CHM: variants seen among roughly 807,000 people sequenced by gnomAD.
CHM encodes the protein rab proteins geranylgeranyltransferase component A 1.
Under a neutral mutation model 49.0 loss-of-function variants are expected in CHM, and 10 were observed. The observed-to-expected ratio is 0.20, with a 90% CI of 0.13 to 0.35. The LOEUF is 0.35. Ranked by LOEUF, CHM falls within the 10% of genes least tolerant of loss-of-function variation. The pLI, the probability that CHM is intolerant of heterozygous loss-of-function variation, is 1.00. For missense variants in CHM, 455 were observed against 478.4 expected (o/e 0.95, Z 0.46); for synonymous variants, 184 against 167.5 (o/e 1.10, Z -0.76).
intron 8 of CHM, among the ~76,000 whole-genome samples, chrX:85,925,664 G>A (rs1469075572): frequency 9.0e-6 from 1 of 111,187 alleles, no homozygotes; most frequent in East Asian, 2.8e-4. Context: ...TTTGTTTTGA[G>A]TAATCCTTAT....
chrX:85,941,533 T>A (rs775443004), intron 8 of CHM, among the ~76,000 whole-genome samples: 1 of 111,973 alleles, frequency 8.9e-6, no homozygotes, highest in Non-Finnish European at 1.9e-5. Context: ...ATTGAGACAT[T>A]CCTGTATAAT....
At chrX:86,021,126 G>GTA (rs3078128) in intron 2 of CHM, among the ~76,000 whole-genome samples, 1,478 of 55,826 alleles carry the variant, frequency 0.026, 31 homozygotes, top group African/African-American at 0.032. Context: ...GTGTATATAC[G>GTA]TATATATATA....
At chrX:86,011,146 T>C (rs189746930) in intron 2 of CHM, among the ~76,000 whole-genome samples, 258 of 111,749 alleles carry the variant, frequency 2.3e-3, no homozygotes, top group African/African-American at 8.1e-3. Flanking sequence ...TATATAGACA[T>C]ATAAGACATG....
At chrX:85,889,967 C>T (rs778913431) in intron 12 of CHM, among the ~76,000 whole-genome samples, 1 of 111,312 alleles carries the variant, frequency 9.0e-6, no homozygotes, top group Admixed American at 9.6e-5. Context: ...CCAAATATTA[C>T]ATGAACTCAC....
chrX:85,977,581 T>G (rs1931345784), intron 4 of CHM, among the ~76,000 whole-genome samples: 1 of 112,320 alleles, frequency 8.9e-6, no homozygotes, highest in African/African-American at 3.2e-5. Flanking sequence ...CACTATATTG[T>G]AGTCAAGTAA....
chrX:85,999,101 T>A (rs1932582399), intron 2 of CHM, among the ~76,000 whole-genome samples: 1 of 110,876 alleles, frequency 9.0e-6, no homozygotes, highest in Non-Finnish European at 1.9e-5. Flanking sequence ...AAAAAAAAAA[T>A]TCATTTGTCA....
Position 85,864,213 on chromosome X carries a change from A to G in CHM, c.*417T>C, listed in dbSNP as rs756460163. On this transcript the variant is annotated 3_prime_UTR_variant, in exon 15 of 15. Transcript: ENST00000357749. ...TCATTATGTTATGATGCTCTTGTCC[A>G]TAAAGAAAATAAAATTCAAATAACC... is the stretch of plus-strand genomic sequence containing the variant. 1 of 158,977 alleles carries G rather than the reference A, an allele frequency of 6.3e-6. No homozygotes were observed. The highest frequency in any genetic ancestry group is 1.4e-4 in the South Asian group (1 of 6,985). The allele number at this position is 158,977 out of a possible 1,213,427, so 13.1% of individuals were successfully genotyped here.
chrX:85,961,351 C>T (rs1930283980), intron 5 of CHM, among the ~76,000 whole-genome samples: 1 of 96,318 alleles, frequency 1.0e-5, no homozygotes, highest in Admixed American at 1.3e-4. Context: ...ACCCAGGAGA[C>T]GGAGGTTGCA....
chrX:85,889,317 C>CA (rs1925296379), intron 12 of CHM, among the ~76,000 whole-genome samples: 3 of 111,301 alleles, frequency 2.7e-5, no homozygotes, highest in Admixed American at 1.9e-4. Flanking sequence ...ACTATGCATC[C>CA]AAAAAACAAC....
chrX:85,996,621 A>G (rs1224837108), intron 2 of CHM, among the ~76,000 whole-genome samples: 1 of 111,748 alleles, frequency 8.9e-6, no homozygotes, highest in East Asian at 2.8e-4. Context: ...ATGGCTATGA[A>G]GATAAAAAGC....
intron 8 of CHM, among the ~76,000 whole-genome samples, chrX:85,953,144 G>A (rs2103533): frequency 0.23 from 25,184 of 111,186 alleles, 2,171 homozygotes; most frequent in Non-Finnish European, 0.25. Context: ...GAATCCAAAA[G>A]AGAAATTTTA....
intron 1 of CHM, among the ~76,000 whole-genome samples, chrX:86,044,473 G>A (rs1934585031): frequency 9.0e-6 from 1 of 111,489 alleles, no homozygotes; most frequent in African/African-American, 3.3e-5. Context: ...TGATCTCAGG[G>A]ATTCCCCTAT....
chrX:85,934,559 T>C (rs1014508409), intron 8 of CHM, among the ~76,000 whole-genome samples: 1 of 107,681 alleles, frequency 9.3e-6, no homozygotes. Flanking sequence ...CTTGCGATAG[T>C]TTGCTCAGAA....
intron 2 of CHM, among the ~76,000 whole-genome samples, chrX:86,002,332 GTTA>G (rs1202920959): frequency 9.5e-6 from 1 of 104,969 alleles, no homozygotes; most frequent in Non-Finnish European, 2.0e-5. Flanking sequence ...AATATTTTCA[GTTA>G]TTGTTTTCAA....
rs748990559 is a variant in CHM, at chrX:85,897,310, T to C, written c.1414-3026A>G. Among the ~76,000 whole-genome samples, 264 of 89,345 alleles carry C rather than the reference T, an allele frequency of 3.0e-3. 2 individuals carry two copies. Among genetic ancestry groups the C allele is most frequent in the South Asian group, 4.7e-3 (10 of 2,144 alleles). 77.6% of individuals were successfully genotyped at this position (89,345 alleles called of 115,157 possible). Reference sequence around the variant, plus strand: ...AATAGAAAATGCTTGTGTGTGCGTGTGTGTGTGTGTGTGTGTGTGTGTGTG... The same window carrying C: ...AATAGAAAATGCTTGTGTGTGCGTGCGTGTGTGTGTGTGTGTGTGTGTGTG... On this transcript the variant is annotated intron_variant, in intron 11 of 14. Coordinates refer to ENST00000357749, the MANE Select transcript of CHM (RefSeq NM_000390.4).
intron 2 of CHM, among the ~76,000 whole-genome samples, chrX:86,009,320 C>T (rs1932958451): frequency 8.9e-6 from 1 of 112,401 alleles, no homozygotes; most frequent in Admixed American, 9.4e-5. Context: ...ATGTAAGTTT[C>T]TGGTCCCACC....
rs757997212 is a variant in CHM, at chrX:85,927,223, T to A, written c.1167-15885A>T. Among the ~76,000 whole-genome samples, 56 of 112,206 alleles carry A rather than the reference T, an allele frequency of 5.0e-4. 1 individual carries two copies. Among genetic ancestry groups the A allele is most frequent in the South Asian group, 1.1e-3 (3 of 2,739 alleles). ...AGTTAGTACAGTCTTGGATTTTTTT[T>A]AAAAAATAAATTTACTTTAATAGGC... On this transcript the variant is annotated intron_variant, in intron 8 of 14. Coordinates refer to ENST00000357749, the MANE Select transcript of CHM (RefSeq NM_000390.4).
rs1932359704 is a variant in CHM at position 85,994,711 on chromosome X, C to T, written c.117-12902G>A. Among the ~76,000 whole-genome samples the T allele has an allele frequency of 3.6e-5, 4 of 111,618 alleles. No individual in the cohort carries two copies. In the Admixed American group the frequency reaches 3.8e-4, roughly 11 times the overall value. Reference sequence around the variant, plus strand: ...ACTGACATTCTTCAACTACCACCCCCACCCAATGGTTGTAGGGATAGTTGC... The same window carrying T: ...ACTGACATTCTTCAACTACCACCCCTACCCAATGGTTGTAGGGATAGTTGC... On this transcript the variant is annotated intron_variant, in intron 2 of 14. Coordinates refer to ENST00000357749, the MANE Select transcript of CHM (RefSeq NM_000390.4).
At chrX:85,868,386 C>T (rs144376107) in intron 14 of CHM, among the ~76,000 whole-genome samples, 3,645 of 110,597 alleles carry the variant, frequency 0.033, 84 homozygotes, top group Middle Eastern at 0.075. Context: ...CCTGTCTTTG[C>T]TCTCCATCCC....
Sources: allele counts gnomAD v4.1 joint callset (sites outside exome capture counted in the v4.1 genomes callset), GRCh38; gene constraint gnomAD v4.1.1; transcripts MANE v1.5; gene names NCBI Gene and HGNC (gene_info 2026-07-23, HGNC 2026-07-21).